DPT: variants seen among roughly 807,000 people sequenced by gnomAD.
DPT encodes dermatopontin.
Under a neutral mutation model 31.2 loss-of-function variants are expected in DPT, and 21 were observed. That is an observed-to-expected ratio of 0.67 (90% CI 0.48 to 0.97). The LOEUF (loss-of-function observed/expected upper bound fraction) is 0.97, where lower values mean the gene tolerates loss of function less well. Ranked by LOEUF, DPT falls within the 50% of genes least tolerant of loss-of-function variation. DPT has a pLI of 0.00. For synonymous variants in DPT, 91 were observed against 86.9 expected (o/e 1.05, Z -0.26); for missense variants, 262 against 258.8 (o/e 1.01, Z -0.08).
chr1:168,711,256 G>T (rs540107696), intron 2 of DPT, among the ~76,000 whole-genome samples: 2 of 151,424 alleles, frequency 1.3e-5, no homozygotes, highest in South Asian at 4.2e-4. Flanking sequence ...TCCTGACCTT[G>T]TGATCTGCCC....
chr1:168,696,497 C>G lies in DPT; in HGVS notation c.*52G>C, dbSNP rs541030948. ...CAACTGATGTTAACATATGTGGACA[C>G]CCTCCTGTCCCCGGCCCCTTTCCTT... On this transcript the variant is annotated 3_prime_UTR_variant, in exon 4 of 4. Transcript: ENST00000367817. 1.4e-6 allele frequency: 2 copies of G among 1,438,060 alleles called. No homozygotes were observed. Among genetic ancestry groups the G allele is most frequent in the Admixed American group, 1.9e-5 (1 of 52,120 alleles). 89.1% of individuals were successfully genotyped at this position (1,438,060 alleles called of 1,614,324 possible).
chr1:168,720,370 T>C (rs1004712868), intron 1 of DPT, among the ~76,000 whole-genome samples: 2 of 152,158 alleles, frequency 1.3e-5, no homozygotes, highest in African/African-American at 4.8e-5. Context: ...AGTCCAAAGC[T>C]ATTGGACAGG....
At chr1:168,698,223 C>T (rs901001906) in intron 3 of DPT, among the ~76,000 whole-genome samples, 7 of 152,112 alleles carry the variant, frequency 4.6e-5, no homozygotes, top group South Asian at 4.2e-4. Flanking sequence ...TCTGTTGCTC[C>T]GGGTCGTTTG....
intron 1 of DPT, among the ~76,000 whole-genome samples, chr1:168,723,584 CA>C: frequency 6.6e-6 from 1 of 152,308 alleles, no homozygotes; most frequent in East Asian, 1.9e-4. Context: ...TAATTCCAAA[CA>C]GAATTGCTCC....
intron 3 of DPT, among the ~76,000 whole-genome samples, chr1:168,699,771 A>T (rs71632376): frequency 0.015 from 2,316 of 152,054 alleles, 40 homozygotes; most frequent in Non-Finnish European, 0.027. Flanking sequence ...TTTATTGGTA[A>T]CTTTTCAGGA....
chr1:168,722,480 G>C (rs1171254466), intron 1 of DPT, among the ~76,000 whole-genome samples: 1 of 152,140 alleles, frequency 6.6e-6, no homozygotes, highest in East Asian at 1.9e-4. Context: ...CCTTTATCAA[G>C]GACTTGCAAT....
At chr1:168,721,701 C>T (rs1369147866) in intron 1 of DPT, among the ~76,000 whole-genome samples, 2 of 152,198 alleles carry the variant, frequency 1.3e-5, no homozygotes, top group Admixed American at 1.3e-4. Context: ...ATCACCATTA[C>T]ACATTTCACC....
chr1:168,700,083 G>C (rs150418741), intron 3 of DPT, among the ~76,000 whole-genome samples: 164 of 152,204 alleles, frequency 1.1e-3, no homozygotes, highest in Middle Eastern at 3.4e-3. Context: ...TAGATGCTAT[G>C]GTCTGAATGT....
At chr1:168,696,919 G>C (rs1210246728) in intron 3 of DPT, among the ~76,000 whole-genome samples, 1 of 152,118 alleles carries the variant, frequency 6.6e-6, no homozygotes, top group African/African-American at 2.4e-5. Flanking sequence ...TGGGTTAACA[G>C]CTTGGAATAA....
chr1:168,725,813 A>T (rs544364307), intron 1 of DPT, among the ~76,000 whole-genome samples: 18 of 152,306 alleles, frequency 1.2e-4, no homozygotes, highest in Middle Eastern at 3.4e-3. Context: ...TGTCAAGCCT[A>T]TATTCGAGAC....
intron 3 of DPT, among the ~76,000 whole-genome samples, chr1:168,698,769 C>A (rs1187924989): frequency 6.6e-6 from 1 of 152,142 alleles, no homozygotes; most frequent in Non-Finnish European, 1.5e-5. Context: ...GGAACAACAG[C>A]ATTCTAAGAG....
At chr1:168,714,779 A>G (rs1053918752) in intron 1 of DPT, among the ~76,000 whole-genome samples, 2 of 152,262 alleles carry the variant, frequency 1.3e-5, no homozygotes, top group African/African-American at 4.8e-5. Context: ...AATTTCAAAT[A>G]AACATTTCTT....
chr1:168,723,570 C>T (rs1650169021), intron 1 of DPT, among the ~76,000 whole-genome samples: 2 of 152,194 alleles, frequency 1.3e-5, no homozygotes, highest in Admixed American at 6.5e-5. Flanking sequence ...ATGGATTTCT[C>T]TCCTAATTCC....
intron 3 of DPT, among the ~76,000 whole-genome samples, chr1:168,698,910 G>A (rs1318675142): frequency 1.3e-5 from 2 of 152,172 alleles, no homozygotes; most frequent in Admixed American, 6.5e-5. Flanking sequence ...GGATCATTAA[G>A]CTACTTATTT....
At chr1:168,704,980 A>G (rs914051060) in intron 2 of DPT, among the ~76,000 whole-genome samples, 1 of 152,240 alleles carries the variant, frequency 6.6e-6, no homozygotes, top group Admixed American at 6.5e-5. Context: ...CGTTGCCACA[A>G]GAACAGACAT....
Position 168,725,269 on chromosome 1 carries a change from C to G in DPT, c.305+3601G>C, listed in dbSNP as rs547872034. On this transcript the variant is annotated intron_variant, in intron 1 of 3. Coordinates refer to ENST00000367817, the MANE Select transcript of DPT (RefSeq NM_001937.5). The stretch of plus-strand genomic sequence containing the variant: ...CTTTCCTTTCTCTTTCCCTTCCTTT[C>G]TTCCTTCCTTCTTTCCTTCCTTCCT... Among the ~76,000 whole-genome samples the G allele has an allele frequency of 1.3e-4, 18 of 137,158 alleles. No homozygotes were observed. In the East Asian group the frequency reaches 3.7e-3, roughly 28 times the overall value. The allele number at this position is 137,158 out of a possible 152,430, so 90.0% of individuals were successfully genotyped here.
intron 1 of DPT, among the ~76,000 whole-genome samples, chr1:168,719,329 G>C (rs1282273723): frequency 6.6e-6 from 1 of 152,072 alleles, no homozygotes; most frequent in Non-Finnish European, 1.5e-5. Context: ...TTTTAACAAA[G>C]CTCCTTATTT....
intron 1 of DPT, among the ~76,000 whole-genome samples, chr1:168,715,452 ACAGT>A (rs1187825960): frequency 2.0e-5 from 3 of 152,214 alleles, no homozygotes; most frequent in African/African-American, 7.2e-5. Flanking sequence ...TAAGCTCTAC[ACAGT>A]CAGGGCATTT....
chr1:168,705,137 G>T lies in DPT; in HGVS notation c.432-4013C>A, dbSNP rs1649690633. Among the ~76,000 whole-genome samples the T allele has an allele frequency of 2.0e-5, 3 of 152,322 alleles. No homozygotes were observed. In the South Asian group the frequency reaches 6.2e-4, roughly 32 times the overall value. On this transcript the variant is annotated intron_variant, in intron 2 of 3. Transcript: ENST00000367817. ...TTAGGTTTTTAATAGTTAAAGTAAAGATTTTCAATCTATTCCTTGACATAA... is the reference window on the plus strand; with the variant it reads ...TTAGGTTTTTAATAGTTAAAGTAAATATTTTCAATCTATTCCTTGACATAA...
Sources: allele counts gnomAD v4.1 joint callset (sites outside exome capture counted in the v4.1 genomes callset), GRCh38; gene constraint gnomAD v4.1.1; transcripts MANE v1.5; gene names NCBI Gene and HGNC (gene_info 2026-07-23, HGNC 2026-07-21).